Variants in SGCD observed in about 807,000 individuals in gnomAD.
The protein encoded by SGCD is delta-sarcoglycan.
SGCD carries 18 observed loss-of-function variants against 36.6 expected under a neutral mutation model. The ratio of observed to expected loss-of-function variants is 0.49; its 90% CI spans 0.34 to 0.73. The LOEUF (loss-of-function observed/expected upper bound fraction) is 0.73. SGCD is among the 30% of genes least tolerant of loss of function. The pLI, the probability that SGCD is intolerant of heterozygous loss-of-function variation, is 0.01. For synonymous variants in SGCD, 133 were observed against 130.6 expected (o/e 1.02, Z -0.12); for missense variants, 387 against 346.7 (o/e 1.12, Z -0.92).
At chr5:155,976,275 T>C (rs1758112220) in intron 1 of SGCD, among the ~76,000 whole-genome samples, 1 of 152,146 alleles carries the variant, frequency 6.6e-6, no homozygotes, top group South Asian at 2.1e-4. Flanking sequence ...GTTTGCTAAA[T>C]ATGAGGGGAG....
intron 1 of SGCD, among the ~76,000 whole-genome samples, chr5:156,027,586 A>G (rs1759251761): frequency 6.6e-6 from 1 of 152,156 alleles, no homozygotes; most frequent in African/African-American, 2.4e-5. Flanking sequence ...ATCATCTTTT[A>G]AAATGCTATA....
chr5:155,875,454 T>A (rs1454858139), intron 1 of SGCD, among the ~76,000 whole-genome samples: 2 of 152,158 alleles, frequency 1.3e-5, no homozygotes, highest in Admixed American at 1.3e-4. Context: ...TAGACATGAA[T>A]ACTTTGCAGA....
intron 3 of SGCD, among the ~76,000 whole-genome samples, chr5:156,413,553 T>C (rs1284806016): frequency 6.6e-6 from 1 of 152,218 alleles, no homozygotes; most frequent in African/African-American, 2.4e-5. Context: ...CACAGCTCAC[T>C]GCAGCCTCAA....
intron 6 of SGCD, among the ~76,000 whole-genome samples, chr5:156,637,288 A>G (rs1762864332): frequency 6.6e-6 from 1 of 151,942 alleles, no homozygotes; most frequent in South Asian, 2.1e-4. Flanking sequence ...AGTCAATTAA[A>G]CCTCTTTCCT....
intron 1 of SGCD, among the ~76,000 whole-genome samples, chr5:155,966,952 T>TGC (rs1476815547): frequency 6.6e-6 from 1 of 151,524 alleles, no homozygotes; most frequent in African/African-American, 2.4e-5. Context: ...TGTGTGTGTG[T>TGC]GTGTGTATGT....
At chr5:156,027,064 T>C (rs1188635471) in intron 1 of SGCD, among the ~76,000 whole-genome samples, 1 of 152,256 alleles carries the variant, frequency 6.6e-6, no homozygotes, top group Non-Finnish European at 1.5e-5. Flanking sequence ...TTTTACTTGC[T>C]GTTAACCAGC....
rs1182871989 is a variant in SGCD at position 156,313,866 on chromosome 5, A to T, written c.-43-15668A>T. Among the ~76,000 whole-genome samples the T allele has an allele frequency of 2.0e-5, 3 of 152,098 alleles. No homozygotes were observed. In the East Asian group the frequency reaches 5.8e-4, roughly 29 times the overall value. On this transcript the variant is annotated intron_variant, in intron 3 of 9. Coordinates refer to the SGCD transcript ENST00000517913. Reference sequence around the variant, plus strand: ...GTAATTTACTCTGGAATTTGTAAAAATGCTGTTCATTTTAGCTTCCTGAAA... The same window carrying T: ...GTAATTTACTCTGGAATTTGTAAAATTGCTGTTCATTTTAGCTTCCTGAAA...
chr5:155,884,342 G>A (rs527428732), intron 1 of SGCD, among the ~76,000 whole-genome samples: 1 of 152,194 alleles, frequency 6.6e-6, no homozygotes, highest in South Asian at 2.1e-4. Context: ...CTCTCCTCAG[G>A]GAACAATAAA....
chr5:155,754,216 G>T, the SGCD span, among the ~76,000 whole-genome samples: 1 of 152,220 alleles, frequency 6.6e-6, no homozygotes, highest in African/African-American at 2.4e-5. Context: ...TGATATATCT[G>T]TTAGGAATAG....
intron 7 of SGCD, among the ~76,000 whole-genome samples, chr5:156,695,511 GGATAGATAGATAGATAGATAGATA>G (rs56315334): frequency 0.034 from 4,775 of 140,026 alleles, 95 homozygotes; most frequent in South Asian, 0.04. Context: ...ATAGATAGAT[GGATAGATAGATAGATAGATAGATA>G]GATAGATAGA....
At chr5:156,190,509 AGG>A (rs1466111772) in intron 3 of SGCD, among the ~76,000 whole-genome samples, 1 of 152,132 alleles carries the variant, frequency 6.6e-6, no homozygotes, top group African/African-American at 2.4e-5. Context: ...ACATCTACTT[AGG>A]GTAAATGAAA....
intron 4 of SGCD, among the ~76,000 whole-genome samples, chr5:156,580,530 G>T (rs1760209131): frequency 6.6e-6 from 1 of 152,120 alleles, no homozygotes; most frequent in East Asian, 1.9e-4. Flanking sequence ...TCACTTTCAG[G>T]TACACCAATG....
At chr5:156,613,203 T>C (rs1027258773) in intron 6 of SGCD, among the ~76,000 whole-genome samples, 4 of 152,172 alleles carry the variant, frequency 2.6e-5, no homozygotes, top group African/African-American at 9.7e-5. Context: ...CATCCCTTTT[T>C]GTGGGGAGAT....
chr5:156,547,441 C>CTT (rs398065337), intron 4 of SGCD, among the ~76,000 whole-genome samples: 38,232 of 145,050 alleles, frequency 0.26, 5,183 homozygotes, highest in Non-Finnish European at 0.31. Context: ...GATAATATGA[C>CTT]TTTTTTTTTT....
chr5:156,227,104 A>C (rs1764880602), intron 3 of SGCD, among the ~76,000 whole-genome samples: 1 of 152,100 alleles, frequency 6.6e-6, no homozygotes, highest in African/African-American at 2.4e-5. Context: ...TAGTTTAATT[A>C]AGTTGCAGCT....
intron 1 of SGCD, among the ~76,000 whole-genome samples, chr5:155,967,296 TG>T (rs1190624972): frequency 2.6e-5 from 4 of 152,044 alleles, no homozygotes; most frequent in Admixed American, 2.0e-4. Flanking sequence ...AGGGTTGTGT[TG>T]TTGCACTTGG....
chr5:156,515,106 G>T (rs1757102184), intron 4 of SGCD, among the ~76,000 whole-genome samples: 1 of 151,954 alleles, frequency 6.6e-6, no homozygotes, highest in South Asian at 2.1e-4. Flanking sequence ...TTTATATTCA[G>T]TAGCTTTTAG....
At chr5:155,941,085 C>G (rs546102099) in intron 1 of SGCD, among the ~76,000 whole-genome samples, 1 of 151,914 alleles carries the variant, frequency 6.6e-6, no homozygotes, top group Non-Finnish European at 1.5e-5. Context: ...GTGGCATCAT[C>G]CCATGTCAGA....
chr5:156,365,297 A>G (rs1204004420), intron 3 of SGCD, among the ~76,000 whole-genome samples: 1 of 152,178 alleles, frequency 6.6e-6, no homozygotes, highest in Non-Finnish European at 1.5e-5. Flanking sequence ...ATTACCAAAA[A>G]CTAGGAATTC....
Sources: allele counts gnomAD v4.1 joint callset (sites outside exome capture counted in the v4.1 genomes callset), GRCh38; gene constraint gnomAD v4.1.1; transcripts MANE v1.5; gene names NCBI Gene and HGNC (gene_info 2026-07-23, HGNC 2026-07-21).